TMEM39A: variants seen among roughly 807,000 people sequenced by gnomAD.
TMEM39A encodes transmembrane protein 39A, also known as suppressor of SQST-1 aggregates in rpl-43 mutants.
TMEM39A carries 19 observed loss-of-function variants against 51.9 expected under a neutral mutation model. That is an observed-to-expected ratio of 0.37 (90% CI 0.26 to 0.54). TMEM39A has a LOEUF of 0.54. Among genes scored for constraint, TMEM39A ranks in the 20% least tolerant of loss-of-function variants. TMEM39A has a pLI of 0.88. For missense variants in TMEM39A, 433 were observed against 590.5 expected (o/e 0.73, Z 2.76); for synonymous variants, 197 against 220.2 (o/e 0.89, Z 0.93).
chr3:119,458,931 T>A (rs531370211), intron 2 of TMEM39A, among the ~76,000 whole-genome samples: 2 of 152,200 alleles, frequency 1.3e-5, no homozygotes, highest in Non-Finnish European at 2.9e-5. Context: ...AAAAATAGAT[T>A]TAAGAATCTA....
chr3:119,459,511 A>G (rs2081310549), intron 2 of TMEM39A, among the ~76,000 whole-genome samples: 1 of 152,254 alleles, frequency 6.6e-6, no homozygotes, highest in South Asian at 2.1e-4. Context: ...CAAAGAAAAC[A>G]ATAGTTCTTC....
intron 5 of TMEM39A, among the ~76,000 whole-genome samples, chr3:119,444,412 T>G (rs1577055520): frequency 6.6e-6 from 1 of 152,340 alleles, no homozygotes; most frequent in East Asian, 1.9e-4. Context: ...TGAAAAATGT[T>G]CGTAACAGAT....
intron 8 of TMEM39A, among the ~76,000 whole-genome samples, chr3:119,432,558 G>A (rs969500234): frequency 4.6e-5 from 7 of 152,046 alleles, no homozygotes; most frequent in Admixed American, 3.3e-4. Context: ...CTAAGACAGA[G>A]GTGGATAAAG....
rs2080991439 is a variant in TMEM39A at position 119,437,760 on chromosome 3, C to A, written c.919G>T (p.Val307Leu). Residue 307 changes from valine (V) to leucine (L), a missense_variant, in exon 6 of 9, where the codon GTG (valine) becomes TTG (leucine). This residue lies in a region of TMEM39A where 223 missense variants were observed against 328.1 expected (regional missense o/e 0.68). Coordinates refer to ENST00000319172, the MANE Select transcript of TMEM39A (RefSeq NM_018266.3). ...AAAGTAAGATAACCACTTACCTTCA[C>A]AAAACACAGGGGGAGAAATGCAACA... ...YYVAFLPLCFVKSTQYYDMRW... is the reference protein window; with the variant it reads ...YYVAFLPLCFLKSTQYYDMRW... 1 of 1,536,648 alleles carries A rather than the reference C, an allele frequency of 6.5e-7. No homozygotes were observed. Among genetic ancestry groups the A allele is most frequent in the South Asian group, 1.2e-5 (1 of 80,006 alleles).
Position 119,448,422 on chromosome 3 carries a change from T to C in TMEM39A, c.421-1250A>G, listed in dbSNP as rs2081156181. On this transcript the variant is annotated intron_variant, in intron 4 of 8. Transcript: ENST00000319172. ...CAGTACATGGTAGGGGATAAGGAGCTTTTCAGGTCCCTCCTATATATCCGT... is the reference window on the plus strand; with the variant it reads ...CAGTACATGGTAGGGGATAAGGAGCCTTTCAGGTCCCTCCTATATATCCGT... Among the ~76,000 whole-genome samples the C allele has an allele frequency of 3.3e-5, 5 of 152,282 alleles. No individual in the cohort carries two copies. The South Asian group carries it at 1.0e-3, about 32-fold the overall frequency.
At chr3:119,441,559 T>G (rs1449410224) in intron 5 of TMEM39A, among the ~76,000 whole-genome samples, 2 of 152,192 alleles carry the variant, frequency 1.3e-5, no homozygotes, top group African/African-American at 4.8e-5. Flanking sequence ...CGTATGAAGG[T>G]TAACAGCGGT....
At chr3:119,458,514 T>C (rs192269378) in intron 2 of TMEM39A, among the ~76,000 whole-genome samples, 117 of 152,332 alleles carry the variant, frequency 7.7e-4, no homozygotes, top group Admixed American at 1.9e-3. Flanking sequence ...CTACTGGACA[T>C]CTCTGTGTTC....
chr3:119,436,773 A>AC lies in TMEM39A; in HGVS notation c.1112+17dup. 1 of 1,595,816 alleles carries AC rather than the reference A, an allele frequency of 6.3e-7. No homozygotes were observed. The highest frequency in any genetic ancestry group is 8.6e-7 in the Non-Finnish European group (1 of 1,167,260). Reference sequence around the variant, plus strand: ...CATGTAGAAAGTGTTACATGGTTTTACCCTCTAGCTTACTCACATGTGCTG... The same window carrying AC: ...CATGTAGAAAGTGTTACATGGTTTTACCCCTCTAGCTTACTCACATGTGCTG... On this transcript the variant is annotated intron_variant, in intron 7 of 8. Transcript: ENST00000319172.
intron 8 of TMEM39A, among the ~76,000 whole-genome samples, chr3:119,433,948 C>A (rs17203118): frequency 0.05 from 7,561 of 152,250 alleles, 247 homozygotes; most frequent in Non-Finnish European, 0.073. Flanking sequence ...AGTCCATATA[C>A]CCTCACAGGA....
chr3:119,438,383 T>G (rs1422307045), intron 5 of TMEM39A, among the ~76,000 whole-genome samples: 2 of 152,226 alleles, frequency 1.3e-5, no homozygotes, highest in East Asian at 3.8e-4. Flanking sequence ...TTTTTATAAC[T>G]AGATGCACAT....
intron 3 of TMEM39A, among the ~76,000 whole-genome samples, chr3:119,453,971 T>C (rs889306694): frequency 1.6e-4 from 24 of 152,256 alleles, no homozygotes; most frequent in African/African-American, 5.5e-4. Context: ...AGGGAGGCTA[T>C]CTCTGAGAGG....
intron 4 of TMEM39A, among the ~76,000 whole-genome samples, chr3:119,451,720 C>T (rs1278071511): frequency 6.8e-6 from 1 of 146,738 alleles, no homozygotes; most frequent in Non-Finnish European, 1.5e-5. Flanking sequence ...ATCCCAGCTA[C>T]TTGGGAGGCT....
chr3:119,460,538 A>C (rs1254485773), intron 2 of TMEM39A, among the ~76,000 whole-genome samples: 2 of 152,200 alleles, frequency 1.3e-5, no homozygotes, highest in African/African-American at 2.4e-5. Context: ...TTAAAAGAAG[A>C]CGAGGAAAAC....
intron 3 of TMEM39A, among the ~76,000 whole-genome samples, chr3:119,455,691 A>G (rs13078312): frequency 0.15 from 23,288 of 152,224 alleles, 2,124 homozygotes; most frequent in South Asian, 0.22. Flanking sequence ...TGACAAGAAC[A>G]CTGGCTCCCT....
intron 7 of TMEM39A, chr3:119,435,585 A>G (rs1418019047): frequency 1.0e-6 from 1 of 983,602 alleles, no homozygotes; most frequent in African/African-American, 1.8e-5. Context: ...TTTAAAAAAA[A>G]AAAAAAAAAT....
At chr3:119,441,974 C>T (rs1286383562) in intron 5 of TMEM39A, among the ~76,000 whole-genome samples, 1 of 152,230 alleles carries the variant, frequency 6.6e-6, no homozygotes, top group Non-Finnish European at 1.5e-5. Flanking sequence ...GATGACAGTA[C>T]ATCTGTTTAC....
At chr3:119,449,884 C>G (rs527290634) in intron 4 of TMEM39A, among the ~76,000 whole-genome samples, 1 of 152,316 alleles carries the variant, frequency 6.6e-6, no homozygotes, top group South Asian at 2.1e-4. Context: ...TAAACGGACT[C>G]TACCTACGTG....
chr3:119,438,776 G>A (rs940828068), intron 5 of TMEM39A, among the ~76,000 whole-genome samples: 2 of 152,056 alleles, frequency 1.3e-5, no homozygotes, highest in African/African-American at 4.8e-5. Context: ...TCTTAGTAGG[G>A]GGCCCTCCTG....
rs2080992817 is a variant in TMEM39A, at chr3:119,437,826, T to C, written c.853A>G (p.Ile285Val). 6.2e-7 allele frequency: 1 copy of C among 1,607,086 alleles called. No individual in the cohort carries two copies. Among genetic ancestry groups the C allele is most frequent in the South Asian group, 1.1e-5 (1 of 90,776 alleles). Residue 285 changes from isoleucine to valine, a missense_variant, in exon 6 of 9, where the codon ATC becomes GTC. Physicochemically the swap from Ile to Val is conservative, Grantham distance 29. Transcript: ENST00000319172. ...AGGGAGTTGAAGAGAACCTCCTTGA[T>C]TCTGTGGTTGAAATCTGCTTTCAGA... Reference protein sequence around the residue: ...ECLKADFNHRIKEVLFNSLFS... With the variant: ...ECLKADFNHRVKEVLFNSLFS...
Sources: allele counts gnomAD v4.1 joint callset (sites outside exome capture counted in the v4.1 genomes callset), GRCh38; gene constraint gnomAD v4.1.1; regional missense constraint gnomAD v4.1.1; transcripts MANE v1.5; gene names NCBI Gene and HGNC (gene_info 2026-07-23, HGNC 2026-07-21).